NEK11: variants seen among roughly 807,000 people sequenced by gnomAD.
The protein encoded by NEK11 is serine/threonine-protein kinase Nek11.
NEK11 carries 72 observed loss-of-function variants against 80.7 expected under a neutral mutation model. The ratio of observed to expected loss-of-function variants is 0.89; its 90% CI spans 0.74 to 1.08. The LOEUF (loss-of-function observed/expected upper bound fraction) is 1.08, where lower values mean the gene tolerates loss of function less well. NEK11 is among the 50% of genes least tolerant of loss of function. The pLI, the probability that NEK11 is intolerant of heterozygous loss-of-function variation, is 0.00. For missense variants in NEK11, 764 were observed against 763.6 expected (o/e 1.00, Z -0.01); for synonymous variants, 251 against 260.7 (o/e 0.96, Z 0.36).
At chr3:131,250,960 T>G (rs1460757941) in intron 16 of NEK11, among the ~76,000 whole-genome samples, 1 of 152,052 alleles carries the variant, frequency 6.6e-6, no homozygotes, top group Admixed American at 6.6e-5. Flanking sequence ...ATACAATATT[T>G]GCATAGTCAT....
At chr3:131,254,110 A>C (rs964170633) in intron 16 of NEK11, among the ~76,000 whole-genome samples, 8 of 152,160 alleles carry the variant, frequency 5.3e-5, no homozygotes, top group African/African-American at 1.9e-4. Flanking sequence ...GAAGTTGTAG[A>C]AATTTAAATT....
chr3:131,313,614 T>C lies in NEK11; in HGVS notation c.1719-35943T>C, dbSNP rs543194510. ...CATATGTTTGTTGGCCACACGTATA[T>C]CTTCTTCTGAAAAGTAAGACATAGG... On this transcript the variant is annotated intron_variant, in intron 17 of 17. Coordinates refer to ENST00000383366, the MANE Select transcript of NEK11 (RefSeq NM_024800.5). Among the ~76,000 whole-genome samples, 14 of 152,336 alleles carry C rather than the reference T, an allele frequency of 9.2e-5. 1 individual carries two copies. The highest frequency in any genetic ancestry group is 4.6e-4 in the Admixed American group (7 of 15,296).
chr3:131,266,369 A>G (rs973545924), intron 16 of NEK11, among the ~76,000 whole-genome samples: 2 of 152,178 alleles, frequency 1.3e-5, no homozygotes, highest in Non-Finnish European at 2.9e-5. Context: ...CCCTCTAAAC[A>G]CTGCTTTAGC....
intron 17 of NEK11, among the ~76,000 whole-genome samples, chr3:131,275,748 G>A (rs1167939298): frequency 6.6e-6 from 1 of 152,192 alleles, no homozygotes; most frequent in East Asian, 1.9e-4. Flanking sequence ...AAATCTTGCT[G>A]TTCTTTCTCT....
intron 14 of NEK11, among the ~76,000 whole-genome samples, chr3:131,213,302 G>T (rs929921029): frequency 1.3e-5 from 2 of 152,154 alleles, no homozygotes; most frequent in African/African-American, 4.8e-5. Context: ...GCAGTTTCCT[G>T]ACTGCCTCCA....
chr3:131,134,004 T>C, intron 7 of NEK11, 48 bp downstream of exon 7: 1 of 1,497,040 alleles, frequency 6.7e-7, no homozygotes, highest in Non-Finnish European at 9.0e-7. Flanking sequence ...CCTAAAAGAA[T>C]GGTACATTTT....
chr3:131,338,923 G>C (rs1228275466), intron 17 of NEK11, among the ~76,000 whole-genome samples: 1 of 152,144 alleles, frequency 6.6e-6, no homozygotes, highest in East Asian at 1.9e-4. Context: ...GAGTTAGATG[G>C]CTGAATGAGT....
intron 4 of NEK11, among the ~76,000 whole-genome samples, chr3:131,108,993 G>A (rs887356079): frequency 5.3e-5 from 8 of 151,854 alleles, no homozygotes; most frequent in South Asian, 4.2e-4. Context: ...TTTATTGGCC[G>A]ACCTTTTTAA....
At chr3:131,213,100 C>T (rs2094690578) in intron 14 of NEK11, among the ~76,000 whole-genome samples, 1 of 152,088 alleles carries the variant, frequency 6.6e-6, no homozygotes, top group Admixed American at 6.5e-5. Flanking sequence ...TTGCCCTACC[C>T]TCATGGCCTA....
At chr3:131,073,555 A>G (rs2073814493) in intron 3 of NEK11, among the ~76,000 whole-genome samples, 1 of 152,166 alleles carries the variant, frequency 6.6e-6, no homozygotes, top group South Asian at 2.1e-4. Flanking sequence ...ATATTTGTAA[A>G]CAAAATCAGT....
intron 14 of NEK11, among the ~76,000 whole-genome samples, chr3:131,193,835 T>C (rs1225644479): frequency 6.6e-6 from 1 of 152,192 alleles, no homozygotes; most frequent in Non-Finnish European, 1.5e-5. Flanking sequence ...TTTGAGAGTT[T>C]CTAAATGAAT....
At chr3:131,111,749 C>T (rs191943348) in intron 5 of NEK11, among the ~76,000 whole-genome samples, 2 of 152,186 alleles carry the variant, frequency 1.3e-5, no homozygotes, top group African/African-American at 4.8e-5. Flanking sequence ...TTTGCACCTA[C>T]CTAATATAAA....
intron 3 of NEK11, among the ~76,000 whole-genome samples, chr3:131,044,701 TAGAC>T (rs570848585): frequency 3.5e-4 from 53 of 152,024 alleles, no homozygotes; most frequent in Non-Finnish European, 6.0e-4. Flanking sequence ...CTGTCAATAT[TAGAC>T]AGATCAACAA....
At chr3:131,331,721 G>C (rs993695201) in intron 17 of NEK11, among the ~76,000 whole-genome samples, 1 of 152,222 alleles carries the variant, frequency 6.6e-6, no homozygotes, top group African/African-American at 2.4e-5. Context: ...CAAAGAAAGG[G>C]GTGACAGACG....
intron 17 of NEK11, among the ~76,000 whole-genome samples, chr3:131,300,842 G>A (rs529124450): frequency 6.6e-6 from 1 of 152,244 alleles, no homozygotes; most frequent in Non-Finnish European, 1.5e-5. Context: ...TTTTGCTTAA[G>A]ATTGCCTTGG....
At chr3:131,055,471 C>T (rs2069285464) in intron 3 of NEK11, among the ~76,000 whole-genome samples, 1 of 152,116 alleles carries the variant, frequency 6.6e-6, no homozygotes, top group African/African-American at 2.4e-5. Context: ...CATGGTGGCT[C>T]ACTCCTGTAT....
intron 3 of NEK11, among the ~76,000 whole-genome samples, chr3:131,065,311 T>C (rs1387705755): frequency 6.6e-6 from 1 of 152,214 alleles, no homozygotes; most frequent in African/African-American, 2.4e-5. Context: ...AAAACATTCC[T>C]AGCACATTTT....
At chr3:131,149,347 T>G (rs1207795567) in intron 7 of NEK11, among the ~76,000 whole-genome samples, 2 of 152,090 alleles carry the variant, frequency 1.3e-5, no homozygotes, top group African/African-American at 4.8e-5. Flanking sequence ...TTCCACAGTT[T>G]ATTTTCTTTA....
chr3:131,140,551 G>T (rs2086659034), intron 7 of NEK11, among the ~76,000 whole-genome samples: 1 of 152,166 alleles, frequency 6.6e-6, no homozygotes, highest in Non-Finnish European at 1.5e-5. Flanking sequence ...AAGGTTTGGG[G>T]TGGTTTTTTA....
Sources: allele counts gnomAD v4.1 joint callset (sites outside exome capture counted in the v4.1 genomes callset), GRCh38; gene constraint gnomAD v4.1.1; transcripts MANE v1.5; gene names NCBI Gene and HGNC (gene_info 2026-07-23, HGNC 2026-07-21).